The following CT45A10 variants were observed in gnomAD, a reference collection of about 807,000 sequenced individuals.
CT45A10 encodes cancer/testis antigen family 45 member A10.
In CT45A10, 19 loss-of-function variants were observed where a neutral mutation model predicts 8.3. That is an observed-to-expected ratio of 2.30 (90% confidence interval 1.61 to 3.38). CT45A10 has a LOEUF of 3.38. CT45A10 is among the 30% of genes most tolerant of loss of function. The pLI is 0.00. For missense variants in CT45A10, 149 were observed against 85.9 expected (o/e 1.73, Z -2.90); for synonymous variants, 28 against 26.5 (o/e 1.06, Z -0.17).
chrX:135,883,067 T>C lies in CT45A10; in HGVS notation c.359A>G (p.Gln120Arg), dbSNP rs1394647153. Reference sequence around the variant, plus strand: ...ACATTTTATATCAGCATTAATTTCTTGTTGGCTTTTGGGAGAGGAGGCTAT... The same window carrying C: ...ACATTTTATATCAGCATTAATTTCTCGTTGGCTTTTGGGAGAGGAGGCTAT... ...RGIASSPKSQ[Q>R]EINADIKCQV... The change falls in exon 3 of 5, where the codon CAA (glutamine) becomes CGA (arginine). Residue 120 changes from glutamine to arginine, a missense_variant. Gln to Arg is a conservative substitution (Grantham distance 43). Coordinates refer to ENST00000682849, the MANE Select transcript of CT45A10 (RefSeq NM_001291529.2). The C allele has an allele frequency of 9.4e-5, 113 of 1,197,339 alleles. No homozygotes were observed. The highest frequency in any genetic ancestry group is 1.2e-4 in the Non-Finnish European group (104 of 885,486).
Position 135,883,031 on chromosome X carries a change from T to G in CT45A10, c.395A>C (p.Lys132Thr). 10 of 1,198,770 alleles carry G rather than the reference T, an allele frequency of 8.3e-6. 1 individual carries two copies. Among genetic ancestry groups the G allele is most frequent in the Non-Finnish European group, 1.1e-5 (10 of 885,672 alleles). The part of the protein sequence containing the change: ...INADIKCQVV[K>T]EIRCLGRKYE... The stretch of plus-strand genomic sequence containing the variant: ...ACTTCGTCCAAGGCATCGGATTTCC[T>G]TCACTACTTGACATTTTATATCAGC... Residue 132 changes from lysine to threonine, a missense_variant, in exon 3 of 5, where the codon AAG becomes ACG. Lys to Thr is a moderately conservative substitution (Grantham distance 78, BLOSUM62 -1). Coordinates refer to ENST00000682849, the MANE Select transcript of CT45A10 (RefSeq NM_001291529.2).
rs868907898 is a variant in CT45A10 at position 135,892,753 on chromosome X, A to G, written c.-7+592T>C. 4.4e-4 allele frequency among the ~76,000 whole-genome samples: 49 copies of G among 112,370 alleles called. No homozygotes were observed. In the Middle Eastern group the frequency reaches 0.023, roughly 53 times the overall value. ...CCCCATCAGGGATAAGCAGAACCAA[A>G]GAAAAGCCAACACATCCTAGCTGAG... is the stretch of plus-strand genomic sequence containing the variant. On this transcript the variant is annotated intron_variant, in intron 1 of 4. Transcript: ENST00000682849.
At position 135,882,988 on chromosome X, in the gene CT45A10, G is replaced by T. The variant is rs1485671537; in HGVS notation, c.418+20C>A. Reference sequence around the variant, plus strand: ...TGACTTCCTACAGTTTTATAAAACAGACGTTCTTACACTACTTACTTCGTC... The same window carrying T: ...TGACTTCCTACAGTTTTATAAAACATACGTTCTTACACTACTTACTTCGTC... On this transcript the variant is annotated intron_variant, in intron 3 of 4. Transcript: ENST00000682849. 8.4e-7 allele frequency: 1 copy of T among 1,193,559 alleles called. No individual in the cohort carries two copies. Among genetic ancestry groups the T allele is most frequent in the South Asian group, 1.8e-5 (1 of 55,187 alleles).
chrX:135,883,375 A>G, intron 2 of CT45A10, 119 bp from the exon 3 acceptor site: 1 of 1,157,552 alleles, frequency 8.6e-7, no homozygotes, highest in Non-Finnish European at 1.2e-6. Context: ...GAGCTGTGAG[A>G]TACGTGTGTT....
intron 2 of CT45A10, 87 bp from the exon 3 acceptor site, chrX:135,883,343 C>A: frequency 8.4e-7 from 1 of 1,186,203 alleles, no homozygotes; most frequent in South Asian, 1.8e-5. Context: ...AATGACAGAT[C>A]TGGAAATCAA....
intron 1 of CT45A10, among the ~76,000 whole-genome samples, chrX:135,890,750 C>T (rs1185031486): frequency 3.6e-5 from 4 of 112,030 alleles, no homozygotes; most frequent in African/African-American, 1.3e-4. Flanking sequence ...TAAAATTCCA[C>T]CGTGTTAACA....
At chrX:135,892,119 G>A (rs549574413) in intron 1 of CT45A10, among the ~76,000 whole-genome samples, 1 of 110,513 alleles carries the variant, frequency 9.0e-6, no homozygotes, top group African/African-American at 3.3e-5. Flanking sequence ...CCAGGAGTTC[G>A]AGACCAGCCT....
chrX:135,891,727 TAAAC>T (rs1414307743), intron 1 of CT45A10, among the ~76,000 whole-genome samples: 1 of 110,920 alleles, frequency 9.0e-6, no homozygotes, highest in Non-Finnish European at 1.9e-5. Context: ...GCTCTAGCCA[TAAAC>T]AAGACTGATT....
At position 135,893,371 on chromosome X, in the gene CT45A10, TCA is replaced by T. The variant is rs2088529217; in HGVS notation, c.-35_-34del. ...TTGCCGGAGGAGGGGCGGCAGCACC[TCA>T]CAAAATGGCAGTGAAGTTGTGGCGC... On this transcript the variant is annotated 5_prime_UTR_variant, in exon 1 of 5. Coordinates refer to ENST00000682849, the MANE Select transcript of CT45A10 (RefSeq NM_001291529.2). Among the ~76,000 whole-genome samples the T allele has an allele frequency of 8.9e-6, 1 of 112,616 alleles. No homozygotes were observed. Among genetic ancestry groups the T allele is most frequent in the Non-Finnish European group, 1.9e-5 (1 of 53,244 alleles).
intron 1 of CT45A10, among the ~76,000 whole-genome samples, chrX:135,889,438 C>T (rs782092367): frequency 6.6e-5 from 7 of 105,728 alleles, no homozygotes; most frequent in African/African-American, 2.4e-4. Context: ...AAGATCGTGC[C>T]AGTGCACTCT....
Position 135,883,134 on chromosome X carries a change from C to G in CT45A10, c.292G>C (p.Val98Leu). ...TCATCTCCAGAGAAATTGCTGGTAA[C>G]GTTTCCTCCCACAGGTGCATTGCTA... The part of the protein sequence containing the change: ...PGSNAPVGGN[V>L]TSNFSGDDLE... Residue 98 changes from valine (V) to leucine (L), a missense_variant, in exon 3 of 5, where the codon GTT (valine) becomes CTT (leucine). By Grantham distance (32) the Val-to-Leu change is conservative (BLOSUM62 1). Coordinates refer to ENST00000682849, the MANE Select transcript of CT45A10 (RefSeq NM_001291529.2). The G allele has an allele frequency of 8.3e-7, 1 of 1,198,900 alleles. No homozygotes were observed. Among genetic ancestry groups the G allele is most frequent in the South Asian group, 1.8e-5 (1 of 56,023 alleles).
chrX:135,883,363 T>C (rs1201842241), intron 2 of CT45A10, 107 bp from the exon 3 acceptor site: 28 of 1,173,224 alleles, frequency 2.4e-5, no homozygotes, highest in Middle Eastern at 3.3e-4. Context: ...AACTGAGAAG[T>C]TGAGCTGTGA....
At chrX:135,889,886 C>T in intron 1 of CT45A10, among the ~76,000 whole-genome samples, 1 of 110,558 alleles carries the variant, frequency 9.0e-6, no homozygotes, top group South Asian at 3.9e-4. Flanking sequence ...CACCACCCGG[C>T]CCTAGGAGTT....
chrX:135,882,998 C>A lies in CT45A10; in HGVS notation c.418+10G>T, dbSNP rs1234425567. 2.3e-5 allele frequency: 27 copies of A among 1,195,416 alleles called. 1 individual carries two copies. Among genetic ancestry groups the A allele is most frequent in the Non-Finnish European group, 2.9e-5 (26 of 884,352 alleles). On this transcript the variant is annotated intron_variant, in intron 3 of 4. Transcript: ENST00000682849. ...CAGTTTTATAAAACAGACGTTCTTA[C>A]ACTACTTACTTCGTCCAAGGCATCG...
At chrX:135,890,093 A>C (rs908392868) in intron 1 of CT45A10, among the ~76,000 whole-genome samples, 1 of 112,317 alleles carries the variant, frequency 8.9e-6, no homozygotes, top group Non-Finnish European at 1.9e-5. Context: ...TAAGCCTCTA[A>C]AAAGGCCAAG....
In CT45A10 at chrX:135,883,142, C is replaced by T; in HGVS notation, c.284G>A (p.Gly95Glu). ...MQKPGSNAPV[G>E]GNVTSNFSGD... is the part of the protein sequence containing the mutation. ...AGAGAAATTGCTGGTAACGTTTCCT[C>T]CCACAGGTGCATTGCTACCAGGTTT... is the stretch of plus-strand genomic sequence containing the variant. Residue 95 changes from glycine to glutamate, a missense_variant, in exon 3 of 5, where the codon GGA becomes GAA. Physicochemically the swap from Gly to Glu is moderately conservative, Grantham distance 98. Transcript: ENST00000682849. The T allele has an allele frequency of 8.3e-7, 1 of 1,198,837 alleles. No individual in the cohort carries two copies. Among genetic ancestry groups the T allele is most frequent in the Middle Eastern group, 2.4e-4 (1 of 4,241 alleles).
intron 1 of CT45A10, among the ~76,000 whole-genome samples, chrX:135,892,345 T>C (rs1211453750): frequency 8.9e-6 from 1 of 112,061 alleles, no homozygotes. Context: ...GAGAGATCAC[T>C]ACACTCCCAA....
At chrX:135,889,207 G>T in intron 1 of CT45A10, 1 of 309,623 alleles carries the variant, frequency 3.2e-6, no homozygotes, top group Non-Finnish European at 4.3e-6. Flanking sequence ...AGTAACAACT[G>T]CACAGCAACA....
intron 1 of CT45A10, among the ~76,000 whole-genome samples, chrX:135,889,656 G>A (rs1303032342): frequency 1.0e-4 from 11 of 110,120 alleles, no homozygotes; most frequent in Admixed American, 1.9e-4. Flanking sequence ...TCCAAGACCA[G>A]CATGGCCAAC....
Sources: gnomAD v4.1 joint callset for allele counts (sites outside exome capture counted in the v4.1 genomes callset) on GRCh38, gnomAD v4.1.1 for gene constraint, MANE v1.5 for transcripts, NCBI Gene and HGNC (gene_info 2026-07-23, HGNC 2026-07-21) for gene names.